Variants in PRKCA observed in about 807,000 individuals in gnomAD.
The protein encoded by PRKCA is protein kinase C alpha type.
A neutral mutation model predicts 87.0 loss-of-function variants in PRKCA; 27 were observed. The observed-to-expected ratio is 0.31, with a 90% CI of 0.23 to 0.43. PRKCA has a LOEUF of 0.43. Among genes scored for constraint, PRKCA ranks in the 20% least tolerant of loss-of-function variants. The pLI, the probability that PRKCA is intolerant of heterozygous loss-of-function variation, is 1.00. For synonymous variants in PRKCA, 329 were observed against 311.1 expected (o/e 1.06, Z -0.61); for missense variants, 518 against 852.3 (o/e 0.61, Z 4.88).
chr17:66,555,059 G>A (rs1968454894), intron 3 of PRKCA, among the ~76,000 whole-genome samples: 2 of 152,032 alleles, frequency 1.3e-5, no homozygotes, highest in Admixed American at 6.5e-5. Flanking sequence ...TTGTATTTTA[G>A]TAGAGATGGG....
intron 2 of PRKCA, among the ~76,000 whole-genome samples, chr17:66,463,498 C>T (rs913025367): frequency 1.3e-5 from 2 of 151,896 alleles, no homozygotes; most frequent in Admixed American, 6.6e-5. Flanking sequence ...CAAGCTCAAG[C>T]GATTCTCCTG....
intron 2 of PRKCA, among the ~76,000 whole-genome samples, chr17:66,482,463 C>T (rs1376260767): frequency 6.6e-6 from 1 of 152,158 alleles, no homozygotes; most frequent in African/African-American, 2.4e-5. Context: ...TTCTCAGACT[C>T]TCAGTGATCT....
At chr17:66,325,676 A>G (rs2143244721) in intron 2 of PRKCA, among the ~76,000 whole-genome samples, 1 of 152,318 alleles carries the variant, frequency 6.6e-6, no homozygotes, top group African/African-American at 2.4e-5. Flanking sequence ...CTTTGAGAAC[A>G]GGGTGTAGAG....
intron 2 of PRKCA, among the ~76,000 whole-genome samples, chr17:66,387,858 C>A (rs1440565115): frequency 1.3e-5 from 2 of 152,184 alleles, no homozygotes; most frequent in Non-Finnish European, 2.9e-5. Context: ...GTGCTTTAGA[C>A]CTGCCAGATT....
intron 5 of PRKCA, 104 bp from the exon 6 acceptor site, chr17:66,687,007 C>T (rs529774408): frequency 2.3e-5 from 25 of 1,070,928 alleles, no homozygotes; most frequent in East Asian, 1.7e-4. Flanking sequence ...TCTCCTTAAA[C>T]GCCATTCTGA....
chr17:66,593,597 G>A (rs186413778), intron 3 of PRKCA, among the ~76,000 whole-genome samples: 111 of 152,330 alleles, frequency 7.3e-4, no homozygotes, highest in African/African-American at 2.6e-3. Context: ...AAGAAGAGGA[G>A]AATGACTACT....
chr17:66,322,487 G>T (rs1411291226), intron 2 of PRKCA, among the ~76,000 whole-genome samples: 4 of 151,942 alleles, frequency 2.6e-5, no homozygotes, highest in Non-Finnish European at 5.9e-5. Context: ...TAAAGAGATG[G>T]AGTCTCCCTC....
At chr17:66,715,281 G>GT (rs1973445907) in intron 8 of PRKCA, among the ~76,000 whole-genome samples, 1 of 152,044 alleles carries the variant, frequency 6.6e-6, no homozygotes. Context: ...TTTTGTTACT[G>GT]TTTTTTATTG....
intron 4 of PRKCA, 52 bp downstream of exon 4, chr17:66,641,518 A>G: frequency 7.2e-7 from 1 of 1,393,498 alleles, no homozygotes; most frequent in Non-Finnish European, 1.0e-6. Context: ...GCTCATGCTC[A>G]GGGTTTGCTG....
At chr17:66,515,452 A>C (rs961120704) in intron 3 of PRKCA, among the ~76,000 whole-genome samples, 2 of 152,176 alleles carry the variant, frequency 1.3e-5, no homozygotes, top group Admixed American at 1.3e-4. Flanking sequence ...TGACGTCATG[A>C]CAGGTTTTGA....
intron 2 of PRKCA, among the ~76,000 whole-genome samples, chr17:66,361,588 G>A (rs772794447): frequency 2.0e-5 from 3 of 152,256 alleles, no homozygotes; most frequent in Non-Finnish European, 2.9e-5. Context: ...TAGGATTATA[G>A]GTGTGAGCCA....
chr17:66,367,364 G>A (rs1384474625), intron 2 of PRKCA, among the ~76,000 whole-genome samples: 2 of 152,236 alleles, frequency 1.3e-5, no homozygotes, highest in African/African-American at 4.8e-5. Flanking sequence ...TGAGAGCTGG[G>A]AGGACAGGTG....
At chr17:66,427,613 G>T (rs2143818784) in intron 2 of PRKCA, among the ~76,000 whole-genome samples, 1 of 152,334 alleles carries the variant, frequency 6.6e-6, no homozygotes, top group Admixed American at 6.5e-5. Flanking sequence ...GTAGGCAAGG[G>T]CTTTCTAGAG....
intron 13 of PRKCA, among the ~76,000 whole-genome samples, chr17:66,773,363 C>T (rs1190821285): frequency 1.3e-5 from 2 of 152,122 alleles, no homozygotes; most frequent in African/African-American, 4.8e-5. Flanking sequence ...CATTGCACTT[C>T]TCTGTGCAAC....
chr17:66,398,158 G>T (rs940380971), intron 2 of PRKCA: 1 of 152,174 alleles, frequency 6.6e-6, no homozygotes, highest in Non-Finnish European at 1.5e-5. Context: ...AATGGCCAAG[G>T]CTGGGAATTG....
intron 3 of PRKCA, among the ~76,000 whole-genome samples, chr17:66,577,381 C>A (rs996980181): frequency 6.6e-6 from 1 of 152,144 alleles, no homozygotes; most frequent in Non-Finnish European, 1.5e-5. Context: ...AGCTCCCTTT[C>A]CAGAGTAGAA....
At chr17:66,610,667 G>T (rs533159711) in intron 3 of PRKCA, among the ~76,000 whole-genome samples, 2 of 152,252 alleles carry the variant, frequency 1.3e-5, no homozygotes, top group South Asian at 4.2e-4. Flanking sequence ...TCTGCAGAAG[G>T]GTGCTTCCTG....
At chr17:66,564,101 C>T (rs761681434) in intron 3 of PRKCA, among the ~76,000 whole-genome samples, 5 of 151,394 alleles carry the variant, frequency 3.3e-5, no homozygotes, top group Non-Finnish European at 7.4e-5. Context: ...TCTTTCGAGA[C>T]AGAGTCTCGC....
intron 13 of PRKCA, among the ~76,000 whole-genome samples, chr17:66,767,332 C>T (rs1450085030): frequency 6.6e-6 from 1 of 152,152 alleles, no homozygotes; most frequent in African/African-American, 2.4e-5. Context: ...CTTAAAATCA[C>T]AGTTTCCAAG....
Sources: allele counts gnomAD v4.1 joint callset (sites outside exome capture counted in the v4.1 genomes callset), GRCh38; gene constraint gnomAD v4.1.1; transcripts MANE v1.5; gene names NCBI Gene and HGNC (gene_info 2026-07-23, HGNC 2026-07-21).